Variants in RABGAP1 observed in about 807,000 individuals in gnomAD.
RABGAP1 encodes RAB GTPase activating protein 1, also known as rab GTPase-activating protein 1.
RABGAP1 carries 23 observed loss-of-function variants against 137.6 expected under a neutral mutation model. That is an observed-to-expected ratio of 0.17 (90% confidence interval 0.12 to 0.24). The LOEUF is 0.24. Ranked by LOEUF, RABGAP1 falls within the 10% of genes least tolerant of loss-of-function variation. The probability of loss-of-function intolerance (pLI) is 1.00; values close to 1 mark genes in which losing one functional copy is unlikely to be tolerated. For synonymous variants in RABGAP1, 451 were observed against 450.7 expected, an observed-to-expected ratio of 1.00 and a Z score of -0.01; for missense variants, 906 against 1,275.8, an observed-to-expected ratio of 0.71 and a Z score of 4.42.
rs1299517430 is a variant in RABGAP1, at chr9:123,099,571, AAG to A, written c.2889+24_2889+25del. 3.2e-6 allele frequency: 5 copies of A among 1,565,354 alleles called. No homozygotes were observed. The Admixed American group carries it at 8.3e-5, about 26-fold the overall frequency. On this transcript the variant is annotated intron_variant, in intron 24 of 25. Coordinates refer to ENST00000373647, the MANE Select transcript of RABGAP1 (RefSeq NM_012197.4). ...TCGGGTAAGACTTCTCTTTACCTAAAAGATTTTATACCACCTACTTCATTTTA... is the reference window on the plus strand; with the variant it reads ...TCGGGTAAGACTTCTCTTTACCTAAAATTTTATACCACCTACTTCATTTTA...
At position 123,103,588 on chromosome 9, in the gene RABGAP1, C is replaced by CATATATATATATATATAT; in HGVS notation, c.*407_*424dup. 6 of 44,962 alleles carry CATATATATATATATATAT rather than the reference C, an allele frequency of 1.3e-4. No individual in the cohort carries two copies. The highest frequency in any genetic ancestry group is 3.6e-4 in the Admixed American group (1 of 2,786). The allele number at this position is 44,962 out of a possible 1,614,324, so 2.8% of individuals were successfully genotyped here. A position where few individuals can be genotyped will look rare whatever the true frequency, so the allele number is the denominator to read the frequency against. On this transcript the variant is annotated 3_prime_UTR_variant, in exon 26 of 26. Coordinates refer to ENST00000373647, the MANE Select transcript of RABGAP1 (RefSeq NM_012197.4). ...TTCTAAACCTTTTTTTTTTAATATACATATATATATATATATATATATATA... is the reference window on the plus strand; with the variant it reads ...TTCTAAACCTTTTTTTTTTAATATACATATATATATATATATATATATATATATATATATATATATATA...
intron 8 of RABGAP1, 92 bp from the exon 9 acceptor site, chr9:122,997,167 T>C: frequency 8.3e-6 from 7 of 847,428 alleles, no homozygotes; most frequent in Non-Finnish European, 1.3e-5. Context: ...CTTATATTTT[T>C]GCAGCTTCTG....
chr9:122,989,776 G>T, intron 5 of RABGAP1: 1 of 514,236 alleles, frequency 1.9e-6, no homozygotes. Flanking sequence ...AACTTGTTAG[G>T]ACTGTTTTCA....
intron 13 of RABGAP1, among the ~76,000 whole-genome samples, chr9:123,053,541 G>GTAGC (rs751772036): frequency 6.2e-4 from 94 of 152,256 alleles, no homozygotes; most frequent in Middle Eastern, 3.4e-3. Flanking sequence ...CTGATAAGCA[G>GTAGC]TAGCTGACTT....
the RABGAP1 span, among the ~76,000 whole-genome samples, chr9:122,933,051 C>T: frequency 1.3e-5 from 2 of 152,116 alleles, no homozygotes; most frequent in African/African-American, 2.4e-5. Flanking sequence ...GTATTCTGCT[C>T]TTGCTGGGTG....
chr9:123,010,774 T>G (rs1440116873), intron 11 of RABGAP1, among the ~76,000 whole-genome samples: 1 of 152,178 alleles, frequency 6.6e-6, no homozygotes, highest in African/African-American at 2.4e-5. Flanking sequence ...AAACAATCAG[T>G]GTAGTGCTAG....
intron 13 of RABGAP1, among the ~76,000 whole-genome samples, chr9:123,051,203 T>G (rs1199876699): frequency 6.8e-6 from 1 of 146,336 alleles, no homozygotes; most frequent in Admixed American, 6.9e-5. Context: ...ATGTTGTGAT[T>G]TTATTCACCT....
At chr9:122,955,771 G>C (rs765240655) in intron 1 of RABGAP1, among the ~76,000 whole-genome samples, 3 of 152,084 alleles carry the variant, frequency 2.0e-5, no homozygotes, top group Non-Finnish European at 4.4e-5. Context: ...AATTGTGTTT[G>C]ACACATGGTG....
intron 13 of RABGAP1, among the ~76,000 whole-genome samples, chr9:123,064,128 G>T (rs1417013023): frequency 6.6e-6 from 1 of 152,072 alleles, no homozygotes; most frequent in East Asian, 1.9e-4. Context: ...CTCAACTTTT[G>T]AAGATACCTC....
chr9:123,058,018 G>C (rs1036823387), intron 13 of RABGAP1, among the ~76,000 whole-genome samples: 1 of 138,218 alleles, frequency 7.2e-6, no homozygotes, highest in Non-Finnish European at 1.6e-5. Context: ...GTCCAGCCTC[G>C]GCTCGGCATC....
At chr9:122,944,736 A>T (rs1833841153) in intron 1 of RABGAP1, among the ~76,000 whole-genome samples, 1 of 149,554 alleles carries the variant, frequency 6.7e-6, no homozygotes, top group African/African-American at 2.5e-5. Flanking sequence ...ACACCCAGAT[A>T]ATTTTTTTTT....
chr9:123,103,941 A>G lies in RABGAP1; in HGVS notation c.*728A>G. On this transcript the variant is annotated 3_prime_UTR_variant, in exon 26 of 26. Coordinates refer to ENST00000373647, the MANE Select transcript of RABGAP1 (RefSeq NM_012197.4). The stretch of plus-strand genomic sequence containing the variant: ...GTGAGACTGGATTATAACATGGACA[A>G]ATCTTATTTTGCTTAATGTGTTTGT... The G allele has an allele frequency of 6.8e-6, 1 of 146,334 alleles. No individual in the cohort carries two copies. The highest frequency in any genetic ancestry group is 2.0e-4 in the East Asian group (1 of 4,970). The allele number at this position is 146,334 out of a possible 1,614,324, so 9.1% of individuals were successfully genotyped here.
chr9:123,007,873 A>T (rs2030437367), intron 10 of RABGAP1, among the ~76,000 whole-genome samples: 1 of 149,024 alleles, frequency 6.7e-6, no homozygotes, highest in African/African-American at 2.4e-5. Context: ...ATATTTCATA[A>T]ATATAATATA....
chr9:122,934,270 G>A, the RABGAP1 span, among the ~76,000 whole-genome samples: 3 of 151,680 alleles, frequency 2.0e-5, no homozygotes, highest in East Asian at 5.9e-4. Context: ...AGTAGAGACA[G>A]GGTTTCACCA....
At chr9:123,076,989 G>A (rs1392701080) in intron 19 of RABGAP1, 8 of 186,684 alleles carry the variant, frequency 4.3e-5, no homozygotes, top group East Asian at 1.6e-4. Context: ...ATAATCCTAC[G>A]AATGAAATCT....
At chr9:123,095,091 G>A (rs2035139314) in intron 21 of RABGAP1, among the ~76,000 whole-genome samples, 1 of 151,668 alleles carries the variant, frequency 6.6e-6, no homozygotes, top group Non-Finnish European at 1.5e-5. Flanking sequence ...GCTGGCTGTG[G>A]TGTCACATGC....
In RABGAP1 at chr9:123,097,827, G is replaced by C; in HGVS notation, c.2715G>C (p.Leu905=). 1 of 1,613,380 alleles carries C rather than the reference G, an allele frequency of 6.2e-7. No individual in the cohort carries two copies. The highest frequency in any genetic ancestry group is 1.3e-5 in the African/African-American group (1 of 75,002). The part of the protein sequence containing the change: ...LIDAEEEKRR[L]EEESAQLKEM... ...ATGCAGAAGAAGAGAAAAGACGGCT[G>C]GAAGAAGAGTCTGCTCAGGTAAGGG... Residue 905 remains leucine (L), a synonymous_variant, in exon 22 of 26, where the codon CTG becomes CTC. Coordinates refer to ENST00000373647, the MANE Select transcript of RABGAP1 (RefSeq NM_012197.4).
At chr9:123,019,379 G>A (rs1027966896) in intron 12 of RABGAP1, among the ~76,000 whole-genome samples, 52 of 152,006 alleles carry the variant, frequency 3.4e-4, no homozygotes, top group African/African-American at 1.2e-3. Context: ...AGGCTGGAGT[G>A]CAGTGGTGCG....
intron 16 of RABGAP1, 30 bp downstream of exon 16, chr9:123,073,707 A>G (rs2034427214): frequency 6.2e-7 from 1 of 1,613,026 alleles, no homozygotes; most frequent in Non-Finnish European, 8.5e-7. Context: ...TGTGTTTGAC[A>G]AAAAGAGTAC....
Sources: gnomAD v4.1 joint callset for allele counts (sites outside exome capture counted in the v4.1 genomes callset) on GRCh38, gnomAD v4.1.1 for gene constraint, MANE v1.5 for transcripts, NCBI Gene and HGNC (gene_info 2026-07-23, HGNC 2026-07-21) for gene names.